The following IFT57 variants were observed in gnomAD, a reference collection of about 807,000 sequenced individuals.
IFT57 encodes the protein intraflagellar transport 57.
IFT57 carries 59 observed loss-of-function variants against 56.8 expected under a neutral mutation model. That is an observed-to-expected ratio of 1.04 (90% CI 0.84 to 1.29). The LOEUF (loss-of-function observed/expected upper bound fraction) is 1.29. IFT57 is among the 50% of genes most tolerant of loss of function. IFT57 has a pLI of 0.00. For synonymous variants in IFT57, 209 were observed against 186.1 expected, an observed-to-expected ratio of 1.12 and a Z score of -1.00; for missense variants, 470 against 522.1, an observed-to-expected ratio of 0.90 and a Z score of 0.97.
intron 4 of IFT57, among the ~76,000 whole-genome samples, chr3:108,211,719 G>A (rs1268291570): frequency 1.3e-5 from 2 of 152,136 alleles, no homozygotes; most frequent in Admixed American, 1.3e-4. Flanking sequence ...GTAAATGACA[G>A]TCATCTTTTT....
At chr3:108,211,109 CACA>C (rs1287833781) in intron 4 of IFT57, among the ~76,000 whole-genome samples, 1 of 152,174 alleles carries the variant, frequency 6.6e-6, no homozygotes, top group Non-Finnish European at 1.5e-5. Context: ...AAGCTGGAGA[CACA>C]ACAATAAGAA....
At chr3:108,170,045 C>T (rs1350056679) in intron 6 of IFT57, among the ~76,000 whole-genome samples, 1 of 151,940 alleles carries the variant, frequency 6.6e-6, no homozygotes, top group Non-Finnish European at 1.5e-5. Flanking sequence ...CAATATCATA[C>T]TGAATGGGCA....
intron 5 of IFT57, among the ~76,000 whole-genome samples, chr3:108,204,403 C>T (rs554959389): frequency 1.3e-5 from 2 of 152,230 alleles, no homozygotes; most frequent in South Asian, 2.1e-4. Flanking sequence ...ATGTAGTTTG[C>T]GATGAAAAAT....
chr3:108,173,565 T>C (rs1319926011), intron 6 of IFT57, among the ~76,000 whole-genome samples: 2 of 151,838 alleles, frequency 1.3e-5, no homozygotes, highest in African/African-American at 4.8e-5. Context: ...TTAGCCTCAG[T>C]TGGGCAAAAC....
chr3:108,209,363 G>A (rs891188360), intron 4 of IFT57, among the ~76,000 whole-genome samples: 2 of 152,184 alleles, frequency 1.3e-5, no homozygotes, highest in Non-Finnish European at 2.9e-5. Context: ...AGCAACATCT[G>A]TTGTATGCAG....
rs1174123001 is a variant in IFT57, at chr3:108,191,539, C to T, written c.759G>A (p.Thr253=). Residue 253 remains threonine (T), a synonymous_variant, in exon 6 of 11, where the codon ACG becomes ACA. Coordinates refer to ENST00000264538, the MANE Select transcript of IFT57 (RefSeq NM_018010.4). ...VERVLPQLKV[T]IRTDNKDWRI... The stretch of plus-strand genomic sequence containing the variant: ...TTGATACCTTATTGTCAGTCCTAAT[C>T]GTGACTTTCAGTTGCGGTAGTACAC... The T allele has an allele frequency of 3.1e-6, 5 of 1,602,430 alleles. No individual in the cohort carries two copies. The highest frequency in any genetic ancestry group is 1.4e-5 in the African/African-American group (1 of 74,020).
chr3:108,206,606 G>A (rs2080315470), intron 5 of IFT57, 22 bp downstream of exon 5: 1 of 1,165,248 alleles, frequency 8.6e-7, no homozygotes, highest in Non-Finnish European at 1.2e-6. Context: ...TGTTGGTCCT[G>A]CATGTATCTG....
At position 108,187,597 on chromosome 3, in the gene IFT57, A is replaced by AAG. The variant is rs759311918; in HGVS notation, c.777+3923_777+3924insCT. Among the ~76,000 whole-genome samples, 11 of 151,020 alleles carry AAG rather than the reference A, an allele frequency of 7.3e-5. No individual in the cohort carries two copies. The South Asian group carries it at 1.7e-3, about 23-fold the overall frequency. On this transcript the variant is annotated intron_variant, in intron 6 of 10. Transcript: ENST00000264538. ...TGTTTTCATGTAAGTTAAAAAAAAA[A>AAG]GGGGGGGAGTGTCTGAGCCTACTAT...
chr3:108,219,617 A>T (rs747111743), intron 1 of IFT57, 45 bp from the exon 2 acceptor site: 1 of 1,579,986 alleles, frequency 6.3e-7, no homozygotes, highest in Non-Finnish European at 8.7e-7. Flanking sequence ...GAAATAATGC[A>T]AATAAGTCTA....
At chr3:108,185,954 T>C (rs2080179754) in intron 6 of IFT57, among the ~76,000 whole-genome samples, 1 of 152,144 alleles carries the variant, frequency 6.6e-6, no homozygotes, top group African/African-American at 2.4e-5. Context: ...TATCGGACCA[T>C]GCCCCTGGTC....
intron 6 of IFT57, among the ~76,000 whole-genome samples, chr3:108,172,793 C>A (rs2080101814): frequency 6.6e-6 from 1 of 151,738 alleles, no homozygotes; most frequent in Admixed American, 6.6e-5. Context: ...TACAGTGTGA[C>A]AAGAACAGCA....
chr3:108,207,812 G>A (rs1187385881), intron 4 of IFT57, among the ~76,000 whole-genome samples: 1 of 152,134 alleles, frequency 6.6e-6, no homozygotes, highest in Non-Finnish European at 1.5e-5. Context: ...GGGAGGCCGA[G>A]GCAGGCGGAT....
Position 108,190,570 on chromosome 3 carries a change from T to C in IFT57, c.777+951A>G, listed in dbSNP as rs1044512222. Among the ~76,000 whole-genome samples, 3 of 152,208 alleles carry C rather than the reference T, an allele frequency of 2.0e-5. 1 individual carries two copies. In the Middle Eastern group the frequency reaches 9.5e-3, roughly 482 times the overall value. ...GCCTTCTGCCATGATTGTTTAAGTT[T>C]CCTAAGGCCTCCCCAGCCATGCTGA... On this transcript the variant is annotated intron_variant, in intron 6 of 10. Coordinates refer to ENST00000264538, the MANE Select transcript of IFT57 (RefSeq NM_018010.4).
chr3:108,222,203 C>T lies in IFT57; in HGVS notation c.120G>A (p.Met40Ile), dbSNP rs186339072. The part of the protein sequence containing the change: ...LERGPGAAYH[M>I]FVVMEDLVEK... Reference sequence around the variant, plus strand: ...CCACCAAGTCCTCCATCACCACGAACATGTGGTAGGCCGCGCCGGGCCCCC... The same window carrying T: ...CCACCAAGTCCTCCATCACCACGAATATGTGGTAGGCCGCGCCGGGCCCCC... The change falls in exon 1 of 11, where the codon ATG (methionine) becomes ATA (isoleucine). Residue 40 changes from methionine to isoleucine, a missense_variant. Met to Ile is a conservative substitution (Grantham distance 10). Transcript: ENST00000264538. The T allele has an allele frequency of 1.4e-4, 218 of 1,614,174 alleles. 1 individual carries two copies. In the Admixed American group the frequency reaches 3.5e-3, roughly 26 times the overall value.
chr3:108,176,069 G>A (rs1180150797), intron 6 of IFT57, among the ~76,000 whole-genome samples: 1 of 151,766 alleles, frequency 6.6e-6, no homozygotes, highest in African/African-American at 2.4e-5. Flanking sequence ...ACTTCTATCT[G>A]ACATTGACTC....
At chr3:108,220,251 TA>T (rs1327204356) in intron 1 of IFT57, among the ~76,000 whole-genome samples, 1 of 152,240 alleles carries the variant, frequency 6.6e-6, no homozygotes, top group Non-Finnish European at 1.5e-5. Flanking sequence ...TCCCCTAGTC[TA>T]CTAAACACAG....
rs759932511 is a variant in IFT57 at position 108,219,561 on chromosome 3, G to A, written c.224C>T (p.Ala75Val). ...CTGTTCGCCAGGGTTGGTAGGCAGT[G>A]CAAAATAGTGTCTGTTTCAAAACAA... ...NLKAPSRHYFALPTNPGEQFY... is the reference protein window; with the variant it reads ...NLKAPSRHYFVLPTNPGEQFY... Residue 75 changes from alanine (A) to valine (V), a missense_variant, in exon 2 of 11, where the codon GCA becomes GTA. By Grantham distance (64) the Ala-to-Val change is moderately conservative. Coordinates refer to ENST00000264538, the MANE Select transcript of IFT57 (RefSeq NM_018010.4). 6.2e-7 allele frequency: 1 copy of A among 1,613,710 alleles called. No homozygotes were observed. Among genetic ancestry groups the A allele is most frequent in the East Asian group, 2.2e-5 (1 of 44,856 alleles).
chr3:108,197,946 G>T (rs967947385), intron 5 of IFT57, among the ~76,000 whole-genome samples: 3 of 152,078 alleles, frequency 2.0e-5, no homozygotes, highest in Admixed American at 6.6e-5. Flanking sequence ...GTATTTAAAA[G>T]GCTTGCACAG....
intron 5 of IFT57, among the ~76,000 whole-genome samples, chr3:108,198,595 C>A (rs189178833): frequency 1.3e-5 from 2 of 152,220 alleles, no homozygotes; most frequent in African/African-American, 4.8e-5. Context: ...GCATGCACCA[C>A]CATGCCTGGC....
Sources: gnomAD v4.1 joint callset for allele counts (sites outside exome capture counted in the v4.1 genomes callset) on GRCh38, gnomAD v4.1.1 for gene constraint, MANE v1.5 for transcripts, NCBI Gene and HGNC (gene_info 2026-07-23, HGNC 2026-07-21) for gene names.